Variants in ZNF121 observed in about 807,000 individuals in gnomAD.
ZNF121 encodes zinc finger protein 121 (clone ZHC32).
In ZNF121, 1 loss-of-function variant was observed where a neutral mutation model predicts 2.4. The observed-to-expected ratio is 0.41, with a 90% confidence interval of 0.15 to 1.94. The LOEUF (loss-of-function observed/expected upper bound fraction) is 1.94. Among genes scored for constraint, ZNF121 ranks in the 30% most tolerant of loss-of-function variants. The probability of loss-of-function intolerance (pLI) is 0.30; values close to 1 mark genes in which losing one functional copy is unlikely to be tolerated. For missense variants in ZNF121, 369 were observed against 466.3 expected (o/e 0.79, Z 1.92); for synonymous variants, 173 against 158.6 (o/e 1.09, Z -0.68).
intron 1 of ZNF121, among the ~76,000 whole-genome samples, chr19:9,583,923 T>C (rs957014404): frequency 2.6e-5 from 4 of 152,212 alleles, no homozygotes; most frequent in Non-Finnish European, 4.4e-5. Flanking sequence ...CATGCAGATA[T>C]AGGCACACCC....
Position 9,565,289 on chromosome 19 carries a change from C to T in ZNF121, c.*651G>A, listed in dbSNP as rs914019797. 2 of 129,372 alleles carry T rather than the reference C, an allele frequency of 1.5e-5. No individual in the cohort carries two copies. Among genetic ancestry groups the T allele is most frequent in the Admixed American group, 1.9e-4 (2 of 10,676 alleles). 8.0% of individuals were successfully genotyped at this position (129,372 alleles called of 1,614,324 possible). On this transcript the variant is annotated 3_prime_UTR_variant, in exon 4 of 4. Transcript: ENST00000320451. Reference sequence around the variant, plus strand: ...ATTGTATGGCCCCATGGTGAGTTCTCAAATGTTGGATTGTGACCACAATCC... The same window carrying T: ...ATTGTATGGCCCCATGGTGAGTTCTTAAATGTTGGATTGTGACCACAATCC...
In ZNF121 at chr19:9,568,133, A is replaced by T. The variant is rs2074147369; in HGVS notation, c.-36T>A. 1 of 1,544,410 alleles carries T rather than the reference A, an allele frequency of 6.5e-7. No homozygotes were observed. ...TTTGATGTTTTGTTAAGCCAAAAAA[A>T]AATGTTGTTGAGGTGCTGACACTTT... is the stretch of plus-strand genomic sequence containing the variant. On this transcript the variant is annotated 5_prime_UTR_variant, in exon 3 of 4. Transcript: ENST00000320451.
chr19:9,566,244 CCA>C lies in ZNF121; in HGVS notation c.867_868del (p.Cys289TrpfsTer12), dbSNP rs1385488690. 6.2e-7 allele frequency: 1 copy of C among 1,613,962 alleles called. No homozygotes were observed. Among genetic ancestry groups the C allele is most frequent in the Non-Finnish European group, 8.5e-7 (1 of 1,180,022 alleles). On this transcript the variant is annotated frameshift_variant, in exon 4 of 4. Transcript: ENST00000320451. LOFTEE classifies it low-confidence loss of function (END_TRUNC). ...GCTTGAGGAAACAGTGAATGCTTTC[CCA>C]CACTCCTTACATTTATAGGGTTTTA...
chr19:9,567,225 G>T (rs1038435393), intron 3 of ZNF121, 116 bp from the exon 4 acceptor site: 1 of 827,492 alleles, frequency 1.2e-6, no homozygotes, highest in Non-Finnish European at 1.8e-6. Context: ...TTCATTACAT[G>T]CATACAGTTG....
chr19:9,568,428 T>G (rs8111016), intron 2 of ZNF121, among the ~76,000 whole-genome samples: 26,027 of 151,320 alleles, frequency 0.17, 3,547 homozygotes, highest in African/African-American at 0.38. Context: ...AGTGCTGGAG[T>G]GCAGTGGCAT....
chr19:9,573,666 G>A (rs1260579818), intron 1 of ZNF121, among the ~76,000 whole-genome samples: 4 of 152,174 alleles, frequency 2.6e-5, no homozygotes, highest in Non-Finnish European at 5.9e-5. Flanking sequence ...ACACCAAACA[G>A]ATTCAATCCA....
At chr19:9,575,385 T>A (rs913293063) in intron 1 of ZNF121, among the ~76,000 whole-genome samples, 1 of 152,042 alleles carries the variant, frequency 6.6e-6, no homozygotes, top group African/African-American at 2.4e-5. Flanking sequence ...ATTGTGCCAC[T>A]GTACTCCAGC....
chr19:9,572,877 C>T (rs759235538), intron 1 of ZNF121, among the ~76,000 whole-genome samples: 1 of 152,046 alleles, frequency 6.6e-6, no homozygotes, highest in Non-Finnish European at 1.5e-5. Context: ...CAAAAAGTAG[C>T]CAGGTGTGGT....
chr19:9,568,987 G>A lies in ZNF121; in HGVS notation c.-79+15C>T, dbSNP rs1568498938. ...ACTGAACTTCTCATTGACCAGGAGT[G>A]TTCTTCATACTCACCTTGGGGAACT... On this transcript the variant is annotated intron_variant, in intron 2 of 3. Coordinates refer to ENST00000320451, the MANE Select transcript of ZNF121 (RefSeq NM_001008727.5). 6.5e-6 allele frequency: 1 copy of A among 152,928 alleles called. No individual in the cohort carries two copies. Among genetic ancestry groups the A allele is most frequent in the African/African-American group, 2.4e-5 (1 of 41,396 alleles). The allele number at this position is 152,928 out of a possible 1,614,324, so 9.5% of individuals were successfully genotyped here.
intron 1 of ZNF121, among the ~76,000 whole-genome samples, chr19:9,577,373 C>A (rs938074308): frequency 4.6e-5 from 7 of 151,872 alleles, no homozygotes; most frequent in African/African-American, 1.7e-4. Context: ...TCACTTGAAC[C>A]CGGGAGGCGG....
intron 1 of ZNF121, among the ~76,000 whole-genome samples, chr19:9,570,741 CGA>C (rs891595228): frequency 2.0e-4 from 20 of 100,088 alleles, no homozygotes; most frequent in African/African-American, 9.9e-4. Context: ...TAATTTTTTG[CGA>C]GGGGGGGGGG....
At chr19:9,579,772 G>T (rs1285231189) in intron 1 of ZNF121, among the ~76,000 whole-genome samples, 1 of 152,130 alleles carries the variant, frequency 6.6e-6, no homozygotes, top group Non-Finnish European at 1.5e-5. Context: ...CTCATCTATT[G>T]TACATTTCAA....
chr19:9,581,515 A>T (rs1211110169), intron 1 of ZNF121, among the ~76,000 whole-genome samples: 1 of 152,144 alleles, frequency 6.6e-6, no homozygotes, highest in Admixed American at 6.5e-5. Flanking sequence ...GTACTGTGGC[A>T]TGCCTGGGCA....
intron 2 of ZNF121, 24 bp from the exon 3 acceptor site, chr19:9,568,199 A>G (rs1440082665): frequency 1.6e-6 from 2 of 1,237,562 alleles, no homozygotes; most frequent in African/African-American, 3.0e-5. Context: ...GAAAAAAAGA[A>G]AAAAAAATAG....
In ZNF121 at chr19:9,561,173, A is replaced by G. The variant is rs1034420122; in HGVS notation, c.*4767T>C. The G allele has an allele frequency of 2.0e-5, 3 of 152,180 alleles. No homozygotes were observed. Among genetic ancestry groups the G allele is most frequent in the African/African-American group, 4.8e-5 (2 of 41,448 alleles). The allele number at this position is 152,180 out of a possible 1,614,324, so 9.4% of individuals were successfully genotyped here. On this transcript the variant is annotated 3_prime_UTR_variant, in exon 4 of 4. Coordinates refer to ENST00000320451, the MANE Select transcript of ZNF121 (RefSeq NM_001008727.5). ...TGTGGATACGTATATATAATTTTGTATGTCTTTGCCATATCCTCCATAGAG... is the reference window on the plus strand; with the variant it reads ...TGTGGATACGTATATATAATTTTGTGTGTCTTTGCCATATCCTCCATAGAG...
Position 9,561,128 on chromosome 19 carries a change from T to C in ZNF121, c.*4812A>G, listed in dbSNP as rs929274270. On this transcript the variant is annotated 3_prime_UTR_variant, in exon 4 of 4. Transcript: ENST00000320451. ...TTGGCTTGTGGTCATGTTTTTAATATAGAAATAGAGTTATTAATGTGTGGA... is the reference window on the plus strand; with the variant it reads ...TTGGCTTGTGGTCATGTTTTTAATACAGAAATAGAGTTATTAATGTGTGGA... The C allele has an allele frequency of 6.6e-6, 1 of 152,214 alleles. No individual in the cohort carries two copies. Among genetic ancestry groups the C allele is most frequent in the African/African-American group, 2.4e-5 (1 of 41,456 alleles). The allele number at this position is 152,214 out of a possible 1,614,324, so 9.4% of individuals were successfully genotyped here. A position where few individuals can be genotyped will look rare whatever the true frequency, so the allele number is the denominator to read the frequency against.
Position 9,584,503 on chromosome 19 carries a change from C to G in ZNF121, c.-202G>C, listed in dbSNP as rs2074271506. The G allele has an allele frequency of 6.6e-6, 1 of 152,288 alleles. No homozygotes were observed. The highest frequency in any genetic ancestry group is 6.5e-5 in the Admixed American group (1 of 15,284). The allele number at this position is 152,288 out of a possible 1,614,324, so 9.4% of individuals were successfully genotyped here. On this transcript the variant is annotated 5_prime_UTR_variant, in exon 1 of 4. Transcript: ENST00000320451. ...CCACCACGATAAAGGCGAAATGGCA[C>G]TGACCATGCGGAGCCAGCGCCGGAA...
Position 9,565,844 on chromosome 19 carries a change from CAATAA to C in ZNF121, c.*91_*95del, listed in dbSNP as rs1393807363. On this transcript the variant is annotated 3_prime_UTR_variant, in exon 4 of 4. Coordinates refer to ENST00000320451, the MANE Select transcript of ZNF121 (RefSeq NM_001008727.5). Reference sequence around the variant, plus strand: ...GAAGGCCTCCTCACATTCTTTGTACCAATAAAATTTCTCTTCAGTGTGAATTCAAA... The same window carrying C: ...GAAGGCCTCCTCACATTCTTTGTACCAATTTCTCTTCAGTGTGAATTCAAA... The C allele has an allele frequency of 3.0e-6, 3 of 989,776 alleles. No homozygotes were observed. In the East Asian group the frequency reaches 8.0e-5, roughly 26 times the overall value. 61.3% of individuals were successfully genotyped at this position (989,776 alleles called of 1,614,324 possible).
chr19:9,569,401 T>C (rs2074157288), intron 1 of ZNF121, among the ~76,000 whole-genome samples: 1 of 152,074 alleles, frequency 6.6e-6, no homozygotes, highest in Non-Finnish European at 1.5e-5. Flanking sequence ...GAGTCATGAT[T>C]GCACCACTGT....
Sources: allele counts gnomAD v4.1 joint callset (sites outside exome capture counted in the v4.1 genomes callset), GRCh38; gene constraint gnomAD v4.1.1; transcripts MANE v1.5; gene names NCBI Gene and HGNC (gene_info 2026-07-23, HGNC 2026-07-21).